SLC44A2: variants seen among roughly 807,000 people sequenced by gnomAD.
The protein encoded by SLC44A2 is solute carrier family 44 member 2 (CTL2 blood group).
A neutral mutation model predicts 90.8 loss-of-function variants in SLC44A2; 57 were observed. The observed-to-expected ratio is 0.63, with a 90% CI of 0.51 to 0.78. SLC44A2 has a LOEUF of 0.78. Ranked by LOEUF, SLC44A2 falls within the 30% of genes least tolerant of loss-of-function variation. SLC44A2 has a pLI of 0.00. For synonymous variants in SLC44A2, 355 were observed against 360.7 expected, an observed-to-expected ratio of 0.98 and a Z score of 0.18; for missense variants, 794 against 919.7, an observed-to-expected ratio of 0.86 and a Z score of 1.77.
chr19:10,609,952 T>G (rs1918235239), intron 1 of SLC44A2, among the ~76,000 whole-genome samples: 1 of 151,542 alleles, frequency 6.6e-6, no homozygotes, highest in Admixed American at 6.6e-5. Context: ...ATTATAGGCA[T>G]GCACAACCAT....
At chr19:10,643,082 G>C (rs908885175) in intron 21 of SLC44A2, 197 bp from the exon 22 acceptor site, 283 of 1,460,270 alleles carry the variant, frequency 1.9e-4, no homozygotes, top group Non-Finnish European at 2.5e-4. Flanking sequence ...GCATGAAGCG[G>C]GGGGGTTCCT....
intron 1 of SLC44A2, among the ~76,000 whole-genome samples, chr19:10,608,227 A>G (rs962107968): frequency 1.2e-5 from 1 of 84,000 alleles, no homozygotes; most frequent in Non-Finnish European, 3.2e-5. Context: ...CGTCTCAAAG[A>G]AAAAAAAAAA....
At chr19:10,613,724 C>G (rs1164268274) in intron 1 of SLC44A2, among the ~76,000 whole-genome samples, 1 of 152,054 alleles carries the variant, frequency 6.6e-6, no homozygotes, top group African/African-American at 2.4e-5. Flanking sequence ...CAGAGGAGGA[C>G]ATGGAACGAC....
chr19:10,635,496 C>T lies in SLC44A2; in HGVS notation c.1214C>T (p.Ala405Val), dbSNP rs146776109. The T allele has an allele frequency of 4.9e-5, 79 of 1,613,894 alleles. 1 individual carries two copies. The Middle Eastern group carries it at 8.3e-4, about 17-fold the overall frequency. Residue 405 changes from alanine (A) to valine (V), a missense_variant, in exon 14 of 22, where the codon GCG (alanine) becomes GTG (valine). Around this residue, in one of 3 missense-constraint regions of SLC44A2, gnomAD observed 738 missense variants for 841.1 expected, o/e 0.88. Coordinates refer to ENST00000335757, the MANE Select transcript of SLC44A2 (RefSeq NM_020428.4). Reference sequence around the variant, plus strand: ...GATGACAGCCCCTGCCCATTTACTGCGAAAACCTGCAACCCAGAGGTGGGC... The same window carrying T: ...GATGACAGCCCCTGCCCATTTACTGTGAAAACCTGCAACCCAGAGGTGGGC... ...IFDDSPCPFT[A>V]KTCNPETFPS...
At chr19:10,642,528 G>A (rs375794616) in intron 21 of SLC44A2, 77 bp downstream of exon 21, 21 of 1,361,306 alleles carry the variant, frequency 1.5e-5, no homozygotes, top group Middle Eastern at 1.8e-4. Flanking sequence ...ACCCTCCAAC[G>A]GGGCAACACG....
At chr19:10,633,502 C>T (rs1037853067) in intron 10 of SLC44A2, among the ~76,000 whole-genome samples, 7 of 152,146 alleles carry the variant, frequency 4.6e-5, no homozygotes, top group African/African-American at 1.7e-4. Flanking sequence ...GTCACCCAGG[C>T]TGGAGTTCAG....
At chr19:10,640,592 A>G (rs2067105081) in intron 20 of SLC44A2, among the ~76,000 whole-genome samples, 1 of 152,146 alleles carries the variant, frequency 6.6e-6, no homozygotes, top group Non-Finnish European at 1.5e-5. Flanking sequence ...ACGCCCAGCC[A>G]GGTCCACTGA....
intron 2 of SLC44A2, among the ~76,000 whole-genome samples, chr19:10,627,048 C>T (rs1281967872): frequency 2.0e-5 from 3 of 151,886 alleles, no homozygotes; most frequent in Middle Eastern, 3.2e-3. Context: ...CAGCCAGGCA[C>T]GGTGGCTCAC....
intron 1 of SLC44A2, among the ~76,000 whole-genome samples, chr19:10,618,858 G>A (rs1218331215): frequency 3.3e-5 from 5 of 151,692 alleles, no homozygotes; most frequent in Admixed American, 3.3e-4. Context: ...ACAGGCATGA[G>A]CCACCATGCC....
Position 10,635,192 on chromosome 19 carries a change from T to C in SLC44A2, c.1085T>C (p.Leu362Pro). 1 of 1,614,078 alleles carries C rather than the reference T, an allele frequency of 6.2e-7. No individual in the cohort carries two copies. The highest frequency in any genetic ancestry group is 8.5e-7 in the Non-Finnish European group (1 of 1,180,028). Residue 362 changes from leucine to proline, a missense_variant, in exon 13 of 22, where the codon CTC (leucine) becomes CCC (proline). This residue lies in a region of SLC44A2 where 738 missense variants were observed against 841.1 expected (regional missense o/e 0.88). Coordinates refer to ENST00000335757, the MANE Select transcript of SLC44A2 (RefSeq NM_020428.4). The part of the protein sequence containing the change: ...RAVGYVMCSL[L>P]YPLVTFFLLC... ...GTGGGATACGTCATGTGCTCCTTGCTCTACCCACTGGTCACCTTCTTCTTG... is the reference window on the plus strand; with the variant it reads ...GTGGGATACGTCATGTGCTCCTTGCCCTACCCACTGGTCACCTTCTTCTTG...
rs748749659 is a variant in SLC44A2 at position 10,642,351 on chromosome 19, G to A, written c.1930-16G>A. ...GAAGGACACGGAGCAGGGACAGCTC[G>A]TTTCTCCTTGCCCAGACGGTGATCG... On this transcript the variant is annotated splice_polypyrimidine_tract_variant and intron_variant, in intron 20 of 21. Transcript: ENST00000335757. 22 of 1,612,996 alleles carry A rather than the reference G, an allele frequency of 1.4e-5. No individual in the cohort carries two copies. Among genetic ancestry groups the A allele is most frequent in the Admixed American group, 5.0e-5 (3 of 59,986 alleles).
At chr19:10,640,279 C>T (rs2067101804) in intron 20 of SLC44A2, among the ~76,000 whole-genome samples, 1 of 151,926 alleles carries the variant, frequency 6.6e-6, no homozygotes, top group African/African-American at 2.4e-5. Context: ...TTAGTAGAGA[C>T]GGGGTTTCAC....
chr19:10,635,079 G>A lies in SLC44A2; in HGVS notation c.1055+6G>A, dbSNP rs2067039278. On this transcript the variant is annotated splice_donor_region_variant and intron_variant, in intron 12 of 21. Coordinates refer to ENST00000335757, the MANE Select transcript of SLC44A2 (RefSeq NM_020428.4). Reference sequence around the variant, plus strand: ...CTCATCAAAGAAGCCAGCAGGTGGGGGGCCAGGGTGCCAGGGGCCAGGATG... The same window carrying A: ...CTCATCAAAGAAGCCAGCAGGTGGGAGGCCAGGGTGCCAGGGGCCAGGATG... 2 of 1,613,952 alleles carry A rather than the reference G, an allele frequency of 1.2e-6. No individual in the cohort carries two copies. The highest frequency in any genetic ancestry group is 3.3e-5 in the Admixed American group (2 of 59,982).
Position 10,643,467 on chromosome 19 carries a change from C to A in SLC44A2, c.*82C>A. 2 of 1,501,388 alleles carry A rather than the reference C, an allele frequency of 1.3e-6. No individual in the cohort carries two copies. Among genetic ancestry groups the A allele is most frequent in the South Asian group, 1.2e-5 (1 of 80,412 alleles). 93.0% of individuals were successfully genotyped at this position (1,501,388 alleles called of 1,614,324 possible). A position where few individuals can be genotyped will look rare whatever the true frequency, so the allele number is the denominator to read the frequency against. ...GGGTCTGTTCCCCCAGCCCCTTGGG[C>A]TCACCTGAAGTCCTATCACTGCCGC... is the stretch of plus-strand genomic sequence containing the variant. On this transcript the variant is annotated 3_prime_UTR_variant, in exon 22 of 22. Coordinates refer to ENST00000335757, the MANE Select transcript of SLC44A2 (RefSeq NM_020428.4).
At chr19:10,613,442 G>A (rs2066829858) in intron 1 of SLC44A2, among the ~76,000 whole-genome samples, 1 of 151,906 alleles carries the variant, frequency 6.6e-6, no homozygotes, top group African/African-American at 2.4e-5. Flanking sequence ...GTAGACATGG[G>A]GTTTCACCAC....
intron 21 of SLC44A2, 182 bp from the exon 22 acceptor site, chr19:10,643,097 T>C: frequency 6.9e-7 from 1 of 1,452,748 alleles, no homozygotes; most frequent in South Asian, 1.4e-5. Context: ...GTTCCTGGCC[T>C]GCGAGTGTGG....
At chr19:10,626,989 G>T (rs954676374) in intron 2 of SLC44A2, among the ~76,000 whole-genome samples, 1 of 151,546 alleles carries the variant, frequency 6.6e-6, no homozygotes, top group African/African-American at 2.4e-5. Context: ...CAGCCTGGAG[G>T]ACAAGAGCGA....
At chr19:10,619,353 A>G (rs1005645931) in intron 1 of SLC44A2, among the ~76,000 whole-genome samples, 1 of 149,250 alleles carries the variant, frequency 6.7e-6, no homozygotes, top group African/African-American at 2.5e-5. Flanking sequence ...GCTTGAGCTC[A>G]GGGGGTAGAG....
In SLC44A2 at chr19:10,635,498, A is replaced by G; in HGVS notation, c.1216A>G (p.Lys406Glu). The part of the protein sequence containing the change: ...FDDSPCPFTA[K>E]TCNPETFPSS... ...TGACAGCCCCTGCCCATTTACTGCGAAAACCTGCAACCCAGAGGTGGGCGT... is the reference window on the plus strand; with the variant it reads ...TGACAGCCCCTGCCCATTTACTGCGGAAACCTGCAACCCAGAGGTGGGCGT... The change falls in exon 14 of 22, where the codon AAA (lysine) becomes GAA (glutamate). Residue 406 changes from lysine (K) to glutamate (E), a missense_variant. This residue lies in a region of SLC44A2 where 738 missense variants were observed against 841.1 expected (regional missense o/e 0.88). Coordinates refer to ENST00000335757, the MANE Select transcript of SLC44A2 (RefSeq NM_020428.4). 6.2e-7 allele frequency: 1 copy of G among 1,613,968 alleles called. No homozygotes were observed.
Sources: gnomAD v4.1 joint callset for allele counts (sites outside exome capture counted in the v4.1 genomes callset) on GRCh38, gnomAD v4.1.1 for gene constraint, gnomAD v4.1.1 regional missense constraint, MANE v1.5 for transcripts, NCBI Gene and HGNC (gene_info 2026-07-23, HGNC 2026-07-21) for gene names.